The following LRRC9 variants were observed in gnomAD, a reference collection of about 807,000 sequenced individuals.
LRRC9 encodes leucine-rich repeat-containing protein 9.
In LRRC9, 122 loss-of-function variants were observed where a neutral mutation model predicts 63.2. That is an observed-to-expected ratio of 1.93 (90% confidence interval 1.67 to 2.24). The LOEUF (loss-of-function observed/expected upper bound fraction) is 2.24. Ranked by LOEUF, LRRC9 falls within the 30% of genes most tolerant of loss-of-function variation. The pLI, the probability that LRRC9 is intolerant of heterozygous loss-of-function variation, is 0.00. For synonymous variants in LRRC9, 366 were observed against 213.1 expected, an observed-to-expected ratio of 1.72 and a Z score of -6.25; for missense variants, 1,071 against 627.7, an observed-to-expected ratio of 1.71 and a Z score of -7.55.
At chr14:60,015,253 T>C (rs1362872207) in intron 23 of LRRC9, among the ~76,000 whole-genome samples, 2 of 43,388 alleles carry the variant, frequency 4.6e-5, no homozygotes, top group African/African-American at 1.0e-4. Flanking sequence ...TGCTTTGAAA[T>C]GCAATTAAAA....
chr14:60,044,719 T>C (rs947832449), intron 29 of LRRC9, among the ~76,000 whole-genome samples: 2 of 152,244 alleles, frequency 1.3e-5, no homozygotes, highest in Non-Finnish European at 2.9e-5. Flanking sequence ...TGGTCTATTA[T>C]GGAAAATGTT....
chr14:59,939,084 C>CATATATACATATATATACACACAT (rs1881462359), intron 7 of LRRC9, among the ~76,000 whole-genome samples: 1 of 146,788 alleles, frequency 6.8e-6, no homozygotes. Context: ...CATATATACA[C>CATATATACATATATATACACACAT]ATATATACAT....
At chr14:59,937,585 A>G (rs1289029255) in intron 6 of LRRC9, among the ~76,000 whole-genome samples, 1 of 152,174 alleles carries the variant, frequency 6.6e-6, no homozygotes, top group East Asian at 1.9e-4. Context: ...GTCTAAGGAC[A>G]AGATAGGGCT....
intron 17 of LRRC9, among the ~76,000 whole-genome samples, chr14:59,991,588 GGC>G (rs1888107765): frequency 1.3e-5 from 2 of 152,140 alleles, no homozygotes; most frequent in Admixed American, 1.3e-4. Flanking sequence ...GGTGACAGAC[GGC>G]ACCTGGAAAA....
chr14:59,920,603 G>A (rs1280334630), intron 1 of LRRC9, among the ~76,000 whole-genome samples: 1 of 152,192 alleles, frequency 6.6e-6, no homozygotes, highest in African/African-American at 2.4e-5. Context: ...TCTAGAGAGT[G>A]TAGGGGGTTT....
At chr14:60,025,422 C>G (rs899226781) in intron 27 of LRRC9, among the ~76,000 whole-genome samples, 2 of 151,848 alleles carry the variant, frequency 1.3e-5, no homozygotes, top group Non-Finnish European at 2.9e-5. Context: ...AAAAGATACA[C>G]TGACATACAA....
intron 12 of LRRC9, among the ~76,000 whole-genome samples, chr14:59,974,230 T>G (rs879528132): frequency 3.9e-5 from 6 of 152,078 alleles, no homozygotes; most frequent in Non-Finnish European, 7.4e-5. Context: ...AATACCTCAT[T>G]CCATTAGATT....
chr14:60,040,321 C>T lies in LRRC9; in HGVS notation c.3990+8258C>T, dbSNP rs780809025. Among the ~76,000 whole-genome samples, 4 of 151,838 alleles carry T rather than the reference C, an allele frequency of 2.6e-5. 1 individual carries two copies. The highest frequency in any genetic ancestry group is 4.9e-5 in the African/African-American group (2 of 41,162). The stretch of plus-strand genomic sequence containing the variant: ...TTCAATTCCTGGATATCCTTGTTAA[C>T]TTTCTGTCTCGTTGATCTGTCTAAT... On this transcript the variant is annotated intron_variant, in intron 29 of 31. Transcript: ENST00000445360.
intron 15 of LRRC9, among the ~76,000 whole-genome samples, chr14:59,979,938 G>A (rs1306383499): frequency 6.6e-6 from 1 of 151,614 alleles, no homozygotes; most frequent in Non-Finnish European, 1.5e-5. Context: ...TGCACATTGT[G>A]CACATGTACC....
intron 8 of LRRC9, among the ~76,000 whole-genome samples, chr14:59,947,764 A>T (rs1279587871): frequency 1.4e-5 from 2 of 145,284 alleles, no homozygotes; most frequent in East Asian, 4.3e-4. Flanking sequence ...TTAAATAGGG[A>T]ATCCTTTCCC....
intron 10 of LRRC9, among the ~76,000 whole-genome samples, chr14:59,965,920 A>AAAAAAAAAATG (rs1274886982): frequency 1.5e-5 from 2 of 136,384 alleles, no homozygotes; most frequent in Admixed American, 7.6e-5. Context: ...AAAAAAAAAA[A>AAAAAAAAAATG]GATACTGGTG....
chr14:59,931,246 T>C (rs1165447373), intron 4 of LRRC9, among the ~76,000 whole-genome samples, 188 bp downstream of exon 4: 1 of 152,114 alleles, frequency 6.6e-6, no homozygotes, highest in Non-Finnish European at 1.5e-5. Flanking sequence ...TACATTACTT[T>C]CTTTACTCTT....
At chr14:60,047,044 G>T (rs1024256497) in intron 29 of LRRC9, among the ~76,000 whole-genome samples, 6 of 152,068 alleles carry the variant, frequency 3.9e-5, no homozygotes, top group African/African-American at 1.4e-4. Context: ...TTCCATTCAT[G>T]ATTTGACTCT....
chr14:60,017,181 C>A lies in LRRC9; in HGVS notation c.3317+391C>A, dbSNP rs963898714. 2.0e-5 allele frequency among the ~76,000 whole-genome samples: 3 copies of A among 151,960 alleles called. No individual in the cohort carries two copies. The highest frequency in any genetic ancestry group is 6.6e-5 in the Admixed American group (1 of 15,224). On this transcript the variant is annotated intron_variant, in intron 24 of 31. Coordinates refer to ENST00000445360, the Ensembl canonical transcript of LRRC9. The surrounding 1 kb of genome is among the most constrained non-coding windows in gnomAD (Gnocchi z 4.0). ...TTCAGGTGTGAGCCACTGTGCCCAG[C>A]CTAAAATTAAAAATTCCTTTGTATG...
At chr14:60,018,284 T>C in intron 24 of LRRC9, 87 bp from the exon 25 acceptor site, 1 of 675,520 alleles carries the variant, frequency 1.5e-6, no homozygotes, top group Non-Finnish European at 2.7e-6. Flanking sequence ...TAAATGTCTT[T>C]GGTGGCTGTA....
intron 5 of LRRC9, 111 bp from the exon 6 acceptor site, chr14:59,931,858 T>C: frequency 1.6e-6 from 1 of 623,966 alleles, no homozygotes; most frequent in Non-Finnish European, 2.8e-6. Flanking sequence ...TATACAATGG[T>C]ACCATTAGTC....
Position 59,990,184 on chromosome 14 carries a change from C to G in LRRC9, c.2211+4960C>G, listed in dbSNP as rs1285533626. The stretch of plus-strand genomic sequence containing the variant: ...TCAGGTGATCTGCCCGCCTCGACCT[C>G]CCAAAGTGCTGGGATTACAGGCATG... On this transcript the variant is annotated intron_variant, in intron 17 of 31. Coordinates refer to ENST00000445360, the Ensembl canonical transcript of LRRC9. This position sits in a 1 kb window ranked among gnomAD's most constrained non-coding sequence, Gnocchi z 4.2. 2.0e-5 allele frequency among the ~76,000 whole-genome samples: 3 copies of G among 152,136 alleles called. No individual in the cohort carries two copies. The highest frequency in any genetic ancestry group is 7.2e-5 in the African/African-American group (3 of 41,434).
At chr14:60,052,864 T>C (rs2140436143) in intron 29 of LRRC9, among the ~76,000 whole-genome samples, 1 of 152,342 alleles carries the variant, frequency 6.6e-6, no homozygotes, top group Non-Finnish European at 1.5e-5. Flanking sequence ...AACCTCTAAA[T>C]GGTAGTCATA....
chr14:59,928,136 G>A (rs956201094), intron 2 of LRRC9, 132 bp from the exon 3 acceptor site: 4 of 567,414 alleles, frequency 7.0e-6, no homozygotes, highest in African/African-American at 5.7e-5. Context: ...TCATATATGT[G>A]ATATAACTTT....
Sources: gnomAD v4.1 joint callset for allele counts (sites outside exome capture counted in the v4.1 genomes callset) on GRCh38, gnomAD v4.1.1 for gene constraint, Gnocchi (gnomAD v3.1) non-coding constraint, MANE v1.5 for transcripts, NCBI Gene and HGNC (gene_info 2026-07-23, HGNC 2026-07-21) for gene names.